Variants in PPP1R1C observed in about 807,000 individuals in gnomAD.
The protein encoded by PPP1R1C is protein phosphatase 1 regulatory inhibitor subunit 1C.
Under a neutral mutation model 17.4 loss-of-function variants are expected in PPP1R1C, and 15 were observed. That is an observed-to-expected ratio of 0.86 (90% CI 0.58 to 1.33). PPP1R1C has a LOEUF of 1.33. Among genes scored for constraint, PPP1R1C ranks in the 40% most tolerant of loss-of-function variants. PPP1R1C has a pLI of 0.00. For missense variants in PPP1R1C, 143 were observed against 130.0 expected (o/e 1.10, Z -0.48); for synonymous variants, 35 against 43.1 (o/e 0.81, Z 0.73).
intron 4 of PPP1R1C, among the ~76,000 whole-genome samples, chr2:182,096,536 G>A (rs1688943116): frequency 6.6e-6 from 1 of 150,786 alleles, no homozygotes; most frequent in Non-Finnish European, 1.5e-5. Context: ...CGACTCCCGT[G>A]ACCTCCCCTC....
intron 2 of PPP1R1C, chr2:182,048,817 A>T (rs1182500744): frequency 6.6e-6 from 1 of 152,262 alleles, no homozygotes; most frequent in Non-Finnish European, 1.5e-5. Context: ...AACATGTTAG[A>T]TACAGTCTAC....
At chr2:182,004,873 G>A (rs1685870957) in intron 2 of PPP1R1C, among the ~76,000 whole-genome samples, 1 of 152,178 alleles carries the variant, frequency 6.6e-6, no homozygotes, top group African/African-American at 2.4e-5. Flanking sequence ...GAGTACTGGA[G>A]TACTGAATTA....
intron 2 of PPP1R1C, among the ~76,000 whole-genome samples, chr2:182,032,168 A>G (rs1427088020): frequency 6.6e-6 from 1 of 152,242 alleles, no homozygotes; most frequent in Non-Finnish European, 1.5e-5. Flanking sequence ...AGTTCAGCCA[A>G]AAGTCAAGGG....
intron 4 of PPP1R1C, among the ~76,000 whole-genome samples, chr2:182,096,239 G>T (rs1481424419): frequency 6.6e-6 from 1 of 152,136 alleles, no homozygotes; most frequent in Admixed American, 6.5e-5. Flanking sequence ...AGCCTTGTTT[G>T]TTCAGATCCT....
intron 5 of PPP1R1C, among the ~76,000 whole-genome samples, chr2:182,124,269 A>G (rs1689810095): frequency 7.1e-6 from 1 of 140,308 alleles, no homozygotes; most frequent in Admixed American, 7.1e-5. Flanking sequence ...TTTGTAGTAT[A>G]GTTTGAAGTC....
chr2:182,026,651 C>G (rs962512129), intron 2 of PPP1R1C, among the ~76,000 whole-genome samples: 1 of 152,114 alleles, frequency 6.6e-6, no homozygotes, highest in East Asian at 1.9e-4. Context: ...TGTGATGCCT[C>G]CAGCTTCGTT....
At chr2:181,999,979 C>T (rs778804651) in intron 2 of PPP1R1C, among the ~76,000 whole-genome samples, 4 of 152,048 alleles carry the variant, frequency 2.6e-5, no homozygotes, top group Non-Finnish European at 5.9e-5. Context: ...AAAACATGAC[C>T]GATTTGTGCA....
At chr2:181,991,408 G>A (rs1288365430) in intron 2 of PPP1R1C, among the ~76,000 whole-genome samples, 1 of 152,080 alleles carries the variant, frequency 6.6e-6, no homozygotes, top group Non-Finnish European at 1.5e-5. Context: ...TACTTAATCT[G>A]TTAAGGATAT....
chr2:182,058,562 A>AT lies in PPP1R1C; in HGVS notation c.143-2873dup, dbSNP rs1687755700. On this transcript the variant is annotated intron_variant, in intron 2 of 4. Coordinates refer to ENST00000682840, the MANE Select transcript of PPP1R1C (RefSeq NM_001080545.3). ...TGGGAAATTGTGCTCTCATTTTTTC[A>AT]TTTTTTTATTCCTCAAAACAAACTT... 2.0e-5 allele frequency among the ~76,000 whole-genome samples: 3 copies of AT among 151,962 alleles called. No individual in the cohort carries two copies. The South Asian group carries it at 6.2e-4, about 32-fold the overall frequency.
At position 182,071,058 on chromosome 2, in the gene PPP1R1C, C is replaced by A. The variant is rs139065373; in HGVS notation, c.241+7267C>A. The stretch of plus-strand genomic sequence containing the variant: ...GCCCCACCTCCAACACTGGGGATTA[C>A]AATTGTACATGAGATTTGGATGGGG... On this transcript the variant is annotated intron_variant, in intron 4 of 4. Coordinates refer to ENST00000682840, the MANE Select transcript of PPP1R1C (RefSeq NM_001080545.3). Among the ~76,000 whole-genome samples the A allele has an allele frequency of 7.3e-3, 1,105 of 152,266 alleles. 10 individuals are homozygous for A. The highest frequency in any genetic ancestry group is 0.019 in the South Asian group (91 of 4,824).
intron 2 of PPP1R1C, among the ~76,000 whole-genome samples, chr2:182,041,629 A>T (rs1299569788): frequency 6.6e-6 from 1 of 151,848 alleles, no homozygotes; most frequent in African/African-American, 2.4e-5. Flanking sequence ...AAAAAAAAAA[A>T]AATTGTCCCA....
chr2:182,006,309 G>A (rs1193761426), intron 2 of PPP1R1C, among the ~76,000 whole-genome samples: 1 of 152,118 alleles, frequency 6.6e-6, no homozygotes, highest in Non-Finnish European at 1.5e-5. Context: ...ATCTTCACTA[G>A]AACCTTTGAA....
intron 2 of PPP1R1C, among the ~76,000 whole-genome samples, chr2:182,032,582 C>A (rs1167219386): frequency 6.6e-6 from 1 of 152,036 alleles, no homozygotes; most frequent in East Asian, 1.9e-4. Context: ...AATTTATTTC[C>A]ATTATGTTCA....
chr2:182,016,583 C>G (rs1302948758), intron 2 of PPP1R1C, among the ~76,000 whole-genome samples: 1 of 152,138 alleles, frequency 6.6e-6, no homozygotes, highest in East Asian at 1.9e-4. Flanking sequence ...TGGTAGTGGT[C>G]TAATAAAAGT....
At chr2:182,028,031 T>C (rs1424423164) in intron 2 of PPP1R1C, among the ~76,000 whole-genome samples, 2 of 129,032 alleles carry the variant, frequency 1.6e-5, no homozygotes, top group Non-Finnish European at 3.3e-5. Flanking sequence ...GATGGTAGTT[T>C]GTATTTCTGT....
chr2:182,028,630 A>C (rs1047594496), intron 2 of PPP1R1C, among the ~76,000 whole-genome samples: 3 of 152,114 alleles, frequency 2.0e-5, no homozygotes, highest in African/African-American at 7.2e-5. Context: ...CTTTACTTCC[A>C]AGTATGTGGT....
At chr2:181,998,891 CCACT>C (rs1685686244) in intron 2 of PPP1R1C, among the ~76,000 whole-genome samples, 1 of 152,096 alleles carries the variant, frequency 6.6e-6, no homozygotes. Flanking sequence ...TGCCAGAGAC[CCACT>C]CACCATCACA....
At chr2:182,124,327 G>GTTTTTTTTTTGTTTT (rs1689816316) in intron 5 of PPP1R1C, among the ~76,000 whole-genome samples, 1 of 83,008 alleles carries the variant, frequency 1.2e-5, no homozygotes, top group Non-Finnish European at 2.2e-5. Context: ...TTTTTTTTTT[G>GTTTTTTTTTTGTTTT]TTTTTTTTTT....
intron 4 of PPP1R1C, among the ~76,000 whole-genome samples, chr2:182,072,926 A>G (rs1267237492): frequency 6.6e-6 from 1 of 152,172 alleles, no homozygotes; most frequent in African/African-American, 2.4e-5. Flanking sequence ...TCAAGTGTTC[A>G]CTAATTCCTT....
Sources: gnomAD v4.1 joint callset for allele counts (sites outside exome capture counted in the v4.1 genomes callset) on GRCh38, gnomAD v4.1.1 for gene constraint, MANE v1.5 for transcripts, NCBI Gene and HGNC (gene_info 2026-07-23, HGNC 2026-07-21) for gene names.